The following PIP4K2C variants were observed in gnomAD, a reference collection of about 807,000 sequenced individuals.
PIP4K2C encodes phosphatidylinositol 5-phosphate 4-kinase type-2 gamma.
A neutral mutation model predicts 45.0 loss-of-function variants in PIP4K2C; 21 were observed. That is an observed-to-expected ratio of 0.47 (90% CI 0.33 to 0.67). PIP4K2C has a LOEUF of 0.67. Ranked by LOEUF, PIP4K2C falls within the 30% of genes least tolerant of loss-of-function variation. PIP4K2C has a pLI of 0.02. For missense variants in PIP4K2C, 456 were observed against 542.8 expected (o/e 0.84, Z 1.59); for synonymous variants, 201 against 204.8 (o/e 0.98, Z 0.16).
intron 7 of PIP4K2C, 86 bp from the exon 8 acceptor site, chr12:57,600,725 C>G: frequency 6.5e-7 from 1 of 1,535,380 alleles, no homozygotes; most frequent in Non-Finnish European, 8.9e-7. Flanking sequence ...CCAGAAGGGC[C>G]CCAGAAATTC....
intron 4 of PIP4K2C, among the ~76,000 whole-genome samples, chr12:57,596,609 G>A (rs1394906989): frequency 1.3e-5 from 2 of 152,110 alleles, no homozygotes; most frequent in African/African-American, 4.8e-5. Flanking sequence ...CAAAATCAGT[G>A]AGCAAGGAAT....
rs1403690887 is a variant in PIP4K2C at position 57,601,296 on chromosome 12, A to G, written c.1133A>G (p.Gln378Arg). The change falls in exon 9 of 10, where the codon CAG (glutamine) becomes CGG (arginine). Residue 378 changes from glutamine to arginine, a missense_variant. Physicochemically the swap from Gln to Arg is conservative, Grantham distance 43. Around this residue, in one of 2 missense-constraint regions of PIP4K2C, gnomAD observed 35 missense variants for 69.7 expected, o/e 0.50. Coordinates refer to ENST00000354947, the MANE Select transcript of PIP4K2C (RefSeq NM_024779.5). ...ATGGGCCTCATTGATATCCTTACAC[A>G]GTATGATGCTAAGAAGAAAGCAGCT... Reference protein sequence around the residue: ...YFMGLIDILTQYDAKKKAAHA... With the variant: ...YFMGLIDILTRYDAKKKAAHA... 7 of 1,614,060 alleles carry G rather than the reference A, an allele frequency of 4.3e-6. No individual in the cohort carries two copies. Among genetic ancestry groups the G allele is most frequent in the Non-Finnish European group, 5.1e-6 (6 of 1,179,938 alleles).
chr12:57,601,494 C>A, intron 9 of PIP4K2C, 32 bp from the exon 10 acceptor site: 1 of 1,590,556 alleles, frequency 6.3e-7, no homozygotes, highest in Non-Finnish European at 8.6e-7. Flanking sequence ...GCTAGGGTGG[C>A]CTGACATATT....
chr12:57,595,746 T>C, intron 3 of PIP4K2C, 142 bp from the exon 4 acceptor site: 2 of 822,586 alleles, frequency 2.4e-6, no homozygotes, highest in Non-Finnish European at 3.9e-6. Flanking sequence ...TTTCCTTCAG[T>C]CCACATATGG....
chr12:57,595,901 G>A lies in PIP4K2C; in HGVS notation c.383G>A (p.Arg128Gln), dbSNP rs748672366. 6.8e-6 allele frequency: 11 copies of A among 1,613,944 alleles called. No homozygotes were observed. Among genetic ancestry groups the A allele is most frequent in the South Asian group, 2.2e-5 (2 of 91,068 alleles). The change falls in exon 4 of 10, where the codon CGA (arginine) becomes CAA (glutamine). Residue 128 changes from arginine to glutamine, a missense_variant. Coordinates refer to ENST00000354947, the MANE Select transcript of PIP4K2C (RefSeq NM_024779.5). ...DDQDYLVSLT[R>Q]NPPSESEGSD... ...CTGTGTCCCCAGGTGTCCCTTACCC[G>A]AAACCCCCCCAGCGAAAGTGAAGGC...
Position 57,591,324 on chromosome 12 carries a change from C to T in PIP4K2C, c.35C>T (p.Ser12Leu). ...ASSSVPPATV[S>L]AATAGPGPGF... Reference sequence around the variant, plus strand: ...TCCTCGGTCCCACCAGCCACGGTATCGGCGGCGACAGCAGGCCCCGGCCCA... The same window carrying T: ...TCCTCGGTCCCACCAGCCACGGTATTGGCGGCGACAGCAGGCCCCGGCCCA... The change falls in exon 1 of 10, where the codon TCG becomes TTG. Residue 12 changes from serine to leucine, a missense_variant. Around this residue, in one of 2 missense-constraint regions of PIP4K2C, gnomAD observed 421 missense variants for 473.1 expected, o/e 0.89. Coordinates refer to ENST00000354947, the MANE Select transcript of PIP4K2C (RefSeq NM_024779.5). The T allele has an allele frequency of 1.9e-6, 3 of 1,612,592 alleles. No homozygotes were observed. The highest frequency in any genetic ancestry group is 2.5e-6 in the Non-Finnish European group (3 of 1,179,444).
At chr12:57,595,766 G>T in intron 3 of PIP4K2C, 122 bp from the exon 4 acceptor site, 1 of 1,025,480 alleles carries the variant, frequency 9.8e-7, no homozygotes, top group Non-Finnish European at 1.5e-6. Context: ...GACACCTGAT[G>T]AGGAACTGTG....
At chr12:57,595,859 A>T (rs1297904531) in intron 3 of PIP4K2C, 29 bp from the exon 4 acceptor site, 2 of 1,612,400 alleles carry the variant, frequency 1.2e-6, no homozygotes, top group Non-Finnish European at 1.7e-6. Flanking sequence ...GAGGGAGGAA[A>T]AGAGCTCTGG....
chr12:57,593,806 C>T (rs114729297), intron 1 of PIP4K2C, among the ~76,000 whole-genome samples: 2,324 of 144,706 alleles, frequency 0.016, 27 homozygotes, highest in East Asian at 0.056. Flanking sequence ...TGGGGGTGGG[C>T]GTGTTGGGGG....
chr12:57,593,976 T>C, intron 1 of PIP4K2C, 49 bp from the exon 2 acceptor site: 1 of 1,442,544 alleles, frequency 6.9e-7, no homozygotes. Flanking sequence ...TATGGGTAGC[T>C]CTCCACACCC....
chr12:57,599,504 C>T (rs1594941866), intron 6 of PIP4K2C, 66 bp downstream of exon 6: 2 of 1,569,464 alleles, frequency 1.3e-6, no homozygotes, highest in East Asian at 4.5e-5. Flanking sequence ...AGGGGAACTT[C>T]TTAGGATGGA....
At position 57,601,078 on chromosome 12, in the gene PIP4K2C, G is replaced by A; in HGVS notation, c.1081G>A (p.Gly361Arg). 1.2e-6 allele frequency: 2 copies of A among 1,612,626 alleles called. No homozygotes were observed. Among genetic ancestry groups the A allele is most frequent in the Non-Finnish European group, 1.7e-6 (2 of 1,179,408 alleles). ...TGTCTATGCCATCCGGAGTGCTGAAGGTGAGAGAACCGGGACAATTTAAGG... is the reference window on the plus strand; with the variant it reads ...TGTCTATGCCATCCGGAGTGCTGAAAGTGAGAGAACCGGGACAATTTAAGG... The part of the protein sequence containing the change: ...IDVYAIRSAE[G>R]APQKEVYFMG... Residue 361 changes from glycine to arginine, a missense_variant and splice_region_variant, in exon 8 of 10, where the codon GGA (glycine) becomes AGA (arginine). This residue lies in a region of PIP4K2C where 421 missense variants were observed against 473.1 expected (regional missense o/e 0.89). Transcript: ENST00000354947.
chr12:57,596,943 A>G lies in PIP4K2C; in HGVS notation c.513+912A>G, dbSNP rs142754823. Among the ~76,000 whole-genome samples, 91 of 152,344 alleles carry G rather than the reference A, an allele frequency of 6.0e-4. No individual in the cohort carries two copies. The East Asian group carries it at 0.016, about 27-fold the overall frequency. ...CTTGAAGGACTAGTAGAGGTTAACCATTGGACAGGGTGGAAGAGCATTCTA... is the reference window on the plus strand; with the variant it reads ...CTTGAAGGACTAGTAGAGGTTAACCGTTGGACAGGGTGGAAGAGCATTCTA... On this transcript the variant is annotated intron_variant, in intron 4 of 9. Coordinates refer to ENST00000354947, the MANE Select transcript of PIP4K2C (RefSeq NM_024779.5).
chr12:57,601,381 C>G (rs762743053), intron 9 of PIP4K2C, 33 bp downstream of exon 9: 4 of 1,575,488 alleles, frequency 2.5e-6, no homozygotes, highest in Non-Finnish European at 1.7e-6. Context: ...CCTTTCCTGT[C>G]TTGACTATTC....
chr12:57,602,194 G>A lies in PIP4K2C; in HGVS notation c.*588G>A, dbSNP rs546577272. ...CCTACACAGGTGGGGTAGAGAGTGG[G>A]TCAGCAGCCTGGCACCTCACAGAGG... On this transcript the variant is annotated 3_prime_UTR_variant, in exon 10 of 10. Coordinates refer to ENST00000354947, the MANE Select transcript of PIP4K2C (RefSeq NM_024779.5). 5.6e-4 allele frequency: 87 copies of A among 155,356 alleles called. No individual in the cohort carries two copies. The highest frequency in any genetic ancestry group is 6.8e-3 in the Middle Eastern group (2 of 294). The allele number at this position is 155,356 out of a possible 1,614,324, so 9.6% of individuals were successfully genotyped here.
chr12:57,591,672 C>G lies in PIP4K2C; in HGVS notation c.174+209C>G, dbSNP rs1462714347. Reference sequence around the variant, plus strand: ...TCCCCAACAGTTCTTTACTGCTCCACTCTAGTTCCACCTTCCCCCCGTGAA... The same window carrying G: ...TCCCCAACAGTTCTTTACTGCTCCAGTCTAGTTCCACCTTCCCCCCGTGAA... On this transcript the variant is annotated intron_variant, in intron 1 of 9. Transcript: ENST00000354947. Among the ~76,000 whole-genome samples the G allele has an allele frequency of 2.0e-5, 3 of 152,232 alleles. No individual in the cohort carries two copies. In the South Asian group the frequency reaches 6.2e-4, roughly 32 times the overall value.
intron 3 of PIP4K2C, among the ~76,000 whole-genome samples, chr12:57,595,632 G>A (rs1420621269): frequency 2.7e-5 from 4 of 150,484 alleles, no homozygotes; most frequent in Admixed American, 2.0e-4. Flanking sequence ...GAACTTGGGA[G>A]GCGAAGGTTG....
In PIP4K2C at chr12:57,600,349, A is replaced by G. The variant is rs1320197066; in HGVS notation, c.725A>G (p.Asp242Gly). ...GTTAAAGAATTGCCCACCCTTAAGG[A>G]TATGGACTTTCTCAACAAGAACCAG... ...EKVKELPTLK[D>G]MDFLNKNQKV... The change falls in exon 7 of 10, where the codon GAT becomes GGT. Residue 242 changes from aspartate to glycine, a missense_variant. Physicochemically the swap from Asp to Gly is moderately conservative, Grantham distance 94. Around this residue, in one of 2 missense-constraint regions of PIP4K2C, gnomAD observed 421 missense variants for 473.1 expected, o/e 0.89. Coordinates refer to ENST00000354947, the MANE Select transcript of PIP4K2C (RefSeq NM_024779.5). 1 of 1,607,786 alleles carries G rather than the reference A, an allele frequency of 6.2e-7. No homozygotes were observed. The highest frequency in any genetic ancestry group is 8.5e-7 in the Non-Finnish European group (1 of 1,174,330).
intron 4 of PIP4K2C, among the ~76,000 whole-genome samples, chr12:57,597,269 A>G (rs1019738537): frequency 2.0e-5 from 3 of 152,210 alleles, no homozygotes; most frequent in Non-Finnish European, 4.4e-5. Flanking sequence ...TTAATAGTCC[A>G]GGGTAGAAAC....
Sources: gnomAD v4.1 joint callset for allele counts (sites outside exome capture counted in the v4.1 genomes callset) on GRCh38, gnomAD v4.1.1 for gene constraint, gnomAD v4.1.1 regional missense constraint, MANE v1.5 for transcripts, NCBI Gene and HGNC (gene_info 2026-07-23, HGNC 2026-07-21) for gene names.